Variants in IMMP2L observed in about 807,000 individuals in gnomAD.
IMMP2L encodes the protein inner mitochondrial membrane peptidase subunit 2, also known as mitochondrial inner membrane protease subunit 2.
Under a neutral mutation model 19.3 loss-of-function variants are expected in IMMP2L, and 18 were observed. That is an observed-to-expected ratio of 0.93 (90% CI 0.64 to 1.38). The LOEUF is 1.38. Ranked by LOEUF, IMMP2L falls within the 40% of genes most tolerant of loss-of-function variation. IMMP2L has a pLI of 0.00. For synonymous variants in IMMP2L, 76 were observed against 73.0 expected, an observed-to-expected ratio of 1.04 and a Z score of -0.21; for missense variants, 233 against 218.2, an observed-to-expected ratio of 1.07 and a Z score of -0.43.
chr7:111,411,997 G>T (rs1292893197), intron 3 of IMMP2L: 1 of 152,254 alleles, frequency 6.6e-6, no homozygotes, highest in Non-Finnish European at 1.5e-5. Flanking sequence ...TGGCAGAATA[G>T]TGGGGCTGCC....
intron 3 of IMMP2L, among the ~76,000 whole-genome samples, chr7:111,445,168 C>A (rs1838195295): frequency 6.6e-6 from 1 of 151,926 alleles, no homozygotes; most frequent in Non-Finnish European, 1.5e-5. Context: ...TTATCCTTCT[C>A]TAGATTTATA....
At chr7:111,511,359 A>C (rs1845421460) in intron 2 of IMMP2L, among the ~76,000 whole-genome samples, 1 of 152,100 alleles carries the variant, frequency 6.6e-6, no homozygotes, top group African/African-American at 2.4e-5. Flanking sequence ...AGCAAAAAAA[A>C]GGGCCTGAAG....
At chr7:110,993,317 C>T (rs1181944880) in intron 3 of IMMP2L, among the ~76,000 whole-genome samples, 1 of 152,112 alleles carries the variant, frequency 6.6e-6, no homozygotes, top group Non-Finnish European at 1.5e-5. Flanking sequence ...AATCATGGTT[C>T]CTATGTCTCT....
chr7:110,771,863 A>G (rs1799065441), intron 5 of IMMP2L, among the ~76,000 whole-genome samples: 2 of 152,186 alleles, frequency 1.3e-5, no homozygotes, highest in Non-Finnish European at 2.9e-5. Flanking sequence ...CTTGAGACAG[A>G]TAAAGGTTAT....
chr7:111,207,419 GCTTA>G (rs2129617682), intron 3 of IMMP2L, among the ~76,000 whole-genome samples: 2 of 151,842 alleles, frequency 1.3e-5, no homozygotes, highest in Non-Finnish European at 2.9e-5. Context: ...CTAAGAAACT[GCTTA>G]CTCTTTCATT....
chr7:110,879,535 A>G (rs1052424497), intron 5 of IMMP2L, among the ~76,000 whole-genome samples: 2 of 152,122 alleles, frequency 1.3e-5, no homozygotes, highest in Non-Finnish European at 2.9e-5. Flanking sequence ...AATAACATTC[A>G]TTCTCATCTT....
intron 3 of IMMP2L, among the ~76,000 whole-genome samples, chr7:111,286,167 T>C (rs1820457311): frequency 6.6e-6 from 1 of 151,944 alleles, no homozygotes; most frequent in Non-Finnish European, 1.5e-5. Flanking sequence ...GTCAGGACAG[T>C]TCACGAAAAG....
chr7:110,779,024 C>A (rs569844599), intron 5 of IMMP2L, among the ~76,000 whole-genome samples: 2 of 152,020 alleles, frequency 1.3e-5, no homozygotes, highest in African/African-American at 4.8e-5. Context: ...AAAGCGAAGT[C>A]TTGAGGATTT....
intron 5 of IMMP2L, among the ~76,000 whole-genome samples, chr7:110,852,737 T>C (rs1309682793): frequency 1.3e-5 from 2 of 152,004 alleles, no homozygotes; most frequent in African/African-American, 2.4e-5. Context: ...TGTAGAACCA[T>C]GAAATATTCA....
chr7:110,712,792 C>T (rs1178131842), intron 5 of IMMP2L, among the ~76,000 whole-genome samples: 1 of 125,200 alleles, frequency 8.0e-6, no homozygotes, highest in Non-Finnish European at 1.7e-5. Flanking sequence ...TCCGTCACCC[C>T]TTTCTTTGAC....
At chr7:110,989,987 G>A (rs1215081218) in intron 3 of IMMP2L, among the ~76,000 whole-genome samples, 1 of 152,020 alleles carries the variant, frequency 6.6e-6, no homozygotes, top group Non-Finnish European at 1.5e-5. Flanking sequence ...GTTGATTGAT[G>A]CATCAGGAAT....
intron 4 of IMMP2L, among the ~76,000 whole-genome samples, chr7:110,936,035 T>C (rs1054328148): frequency 6.6e-6 from 1 of 152,082 alleles, no homozygotes; most frequent in Admixed American, 6.6e-5. Context: ...TTACAACTTA[T>C]ACAAAAATTA....
At chr7:110,677,313 T>C (rs1017243904) in intron 5 of IMMP2L, among the ~76,000 whole-genome samples, 1 of 152,192 alleles carries the variant, frequency 6.6e-6, no homozygotes, top group South Asian at 2.1e-4. Flanking sequence ...TGTTAAAAAT[T>C]ATCAAAAAGA....
At chr7:111,381,918 T>C (rs1831237940) in intron 3 of IMMP2L, among the ~76,000 whole-genome samples, 1 of 151,942 alleles carries the variant, frequency 6.6e-6, no homozygotes, top group Non-Finnish European at 1.5e-5. Flanking sequence ...CCCATTGAAA[T>C]AGCAAACAGG....
At chr7:110,831,843 T>C (rs1803997584) in intron 5 of IMMP2L, among the ~76,000 whole-genome samples, 1 of 152,226 alleles carries the variant, frequency 6.6e-6, no homozygotes, top group African/African-American at 2.4e-5. Context: ...AAGTCTAAAG[T>C]GTTTAGTGCT....
chr7:111,331,041 T>C (rs1479055112), intron 3 of IMMP2L, among the ~76,000 whole-genome samples: 2 of 151,870 alleles, frequency 1.3e-5, no homozygotes, highest in East Asian at 1.9e-4. Flanking sequence ...AAACTAAAAA[T>C]AGAATTAGCA....
intron 4 of IMMP2L, among the ~76,000 whole-genome samples, chr7:110,947,770 C>T (rs1334840553): frequency 6.6e-6 from 1 of 152,126 alleles, no homozygotes; most frequent in Non-Finnish European, 1.5e-5. Context: ...AGTATCAGTA[C>T]ACCTAGAGCT....
At chr7:110,702,818 C>T (rs1232263279) in intron 5 of IMMP2L, among the ~76,000 whole-genome samples, 1 of 151,996 alleles carries the variant, frequency 6.6e-6, no homozygotes, top group Non-Finnish European at 1.5e-5. Context: ...TAAATAAATT[C>T]CTTAATATTT....
chr7:111,135,381 A>G (rs1802234417), intron 3 of IMMP2L, among the ~76,000 whole-genome samples: 1 of 152,162 alleles, frequency 6.6e-6, no homozygotes, highest in Admixed American at 6.5e-5. Flanking sequence ...GAAACTGAAT[A>G]AAAATATTTT....
Sources: allele counts gnomAD v4.1 joint callset (sites outside exome capture counted in the v4.1 genomes callset), GRCh38; gene constraint gnomAD v4.1.1; transcripts MANE v1.5; gene names NCBI Gene and HGNC (gene_info 2026-07-23, HGNC 2026-07-21).